The following AGBL4 variants were observed in gnomAD, a reference collection of about 807,000 sequenced individuals.
AGBL4 encodes AGBL carboxypeptidase 4.
A neutral mutation model predicts 66.4 loss-of-function variants in AGBL4; 58 were observed. The ratio of observed to expected loss-of-function variants is 0.87; its 90% CI spans 0.71 to 1.09. AGBL4 has a LOEUF of 1.09. AGBL4 is among the 50% of genes least tolerant of loss of function. AGBL4 has a pLI of 0.00. For missense variants in AGBL4, 579 were observed against 631.0 expected, an observed-to-expected ratio of 0.92 and a Z score of 0.88; for synonymous variants, 234 against 222.9, an observed-to-expected ratio of 1.05 and a Z score of -0.44.
chr1:49,061,144 C>G (rs1413264143), intron 4 of AGBL4, among the ~76,000 whole-genome samples: 4 of 152,104 alleles, frequency 2.6e-5, no homozygotes, highest in African/African-American at 7.2e-5. Flanking sequence ...GGCGAAAGTA[C>G]AATCACAGTC....
chr1:49,942,724 A>G (rs1157256271), intron 1 of AGBL4, among the ~76,000 whole-genome samples: 1 of 152,198 alleles, frequency 6.6e-6, no homozygotes, highest in Non-Finnish European at 1.5e-5. Context: ...TGAAACTGTA[A>G]AACAATAAAA....
chr1:49,627,510 G>A (rs1472126481), intron 3 of AGBL4, among the ~76,000 whole-genome samples: 1 of 151,976 alleles, frequency 6.6e-6, no homozygotes, highest in Non-Finnish European at 1.5e-5. Flanking sequence ...AATTGTCCTG[G>A]CCATTGGTCA....
At chr1:49,720,868 T>C (rs1648549185) in intron 2 of AGBL4, among the ~76,000 whole-genome samples, 1 of 152,032 alleles carries the variant, frequency 6.6e-6, no homozygotes, top group African/African-American at 2.4e-5. Flanking sequence ...TTAACAGAAG[T>C]GACAAGTTAC....
intron 5 of AGBL4, among the ~76,000 whole-genome samples, chr1:48,976,506 T>C (rs1032487333): frequency 4.6e-5 from 7 of 152,166 alleles, no homozygotes; most frequent in Non-Finnish European, 8.8e-5. Flanking sequence ...AATCTGCTTT[T>C]TCTATACTAA....
At chr1:49,310,670 A>C (rs970854017) in intron 3 of AGBL4, among the ~76,000 whole-genome samples, 3 of 152,020 alleles carry the variant, frequency 2.0e-5, no homozygotes, top group Non-Finnish European at 4.4e-5. Flanking sequence ...CCTTTAAGGC[A>C]CTAGGGTGAT....
chr1:49,865,944 T>A, intron 1 of AGBL4: 1 of 403,874 alleles, frequency 2.5e-6, no homozygotes. Context: ...AAACACAACA[T>A]GAGAATATAA....
intron 3 of AGBL4, among the ~76,000 whole-genome samples, chr1:49,471,616 T>C (rs887371736): frequency 6.6e-6 from 1 of 151,790 alleles, no homozygotes; most frequent in African/African-American, 2.4e-5. Context: ...GAATGGGTAC[T>C]ACAGAAGCCA....
intron 2 of AGBL4, among the ~76,000 whole-genome samples, chr1:49,717,683 A>C (rs1571396516): frequency 6.6e-6 from 1 of 152,036 alleles, no homozygotes; most frequent in Non-Finnish European, 1.5e-5. Flanking sequence ...CTCTAGTAAG[A>C]ATGTACGTTC....
At chr1:48,707,222 A>T (rs1052209173) in intron 6 of AGBL4, among the ~76,000 whole-genome samples, 4 of 152,280 alleles carry the variant, frequency 2.6e-5, no homozygotes, top group South Asian at 4.2e-4. Flanking sequence ...TGAGCCCAGG[A>T]GGCGGAGGTT....
intron 3 of AGBL4, among the ~76,000 whole-genome samples, chr1:49,561,857 GT>G (rs1644055463): frequency 6.6e-6 from 1 of 151,996 alleles, no homozygotes; most frequent in South Asian, 2.1e-4. Context: ...GGTATTTCTA[GT>G]TCTAGATCCC....
At chr1:49,540,888 C>A (rs558523429) in intron 3 of AGBL4, among the ~76,000 whole-genome samples, 4 of 152,212 alleles carry the variant, frequency 2.6e-5, no homozygotes, top group Non-Finnish European at 4.4e-5. Flanking sequence ...CTTCATTTTT[C>A]TTATTAGAGT....
intron 5 of AGBL4, among the ~76,000 whole-genome samples, chr1:48,954,729 T>G (rs895566563): frequency 7.2e-5 from 11 of 152,180 alleles, no homozygotes; most frequent in Non-Finnish European, 4.4e-5. Context: ...ATCCCACAGC[T>G]TTGTTTCTAT....
At chr1:49,166,556 G>A (rs1646638969) in intron 4 of AGBL4, among the ~76,000 whole-genome samples, 1 of 152,170 alleles carries the variant, frequency 6.6e-6, no homozygotes, top group East Asian at 1.9e-4. Context: ...ACTTTGCATG[G>A]TGTAGATTAT....
At chr1:49,095,916 G>T (rs1205058382) in intron 4 of AGBL4, among the ~76,000 whole-genome samples, 1 of 151,772 alleles carries the variant, frequency 6.6e-6, no homozygotes, top group African/African-American at 2.4e-5. Flanking sequence ...TACAAAATGG[G>T]AGAAAATTTT....
intron 3 of AGBL4, among the ~76,000 whole-genome samples, chr1:49,576,083 G>C (rs957787817): frequency 1.3e-5 from 2 of 152,150 alleles, no homozygotes; most frequent in African/African-American, 4.8e-5. Context: ...ACAGTAGTCT[G>C]GGGACTGTTG....
intron 3 of AGBL4, among the ~76,000 whole-genome samples, chr1:49,662,551 T>C (rs1646290340): frequency 6.6e-6 from 1 of 152,152 alleles, no homozygotes; most frequent in Admixed American, 6.6e-5. Context: ...CTGTGCCACC[T>C]GAAATAGCAC....
chr1:49,587,494 G>A (rs1644673446), intron 3 of AGBL4, among the ~76,000 whole-genome samples: 2 of 151,942 alleles, frequency 1.3e-5, no homozygotes, highest in Non-Finnish European at 2.9e-5. Flanking sequence ...TATGCCTAAC[G>A]CAATGTCATT....
At chr1:48,829,930 A>G (rs541633267) in intron 6 of AGBL4, among the ~76,000 whole-genome samples, 1 of 152,242 alleles carries the variant, frequency 6.6e-6, no homozygotes, top group Non-Finnish European at 1.5e-5. Context: ...GGGGGCTGTC[A>G]GCATAGTGCA....
intron 6 of AGBL4, among the ~76,000 whole-genome samples, chr1:48,674,205 G>A (rs1282457751): frequency 6.6e-6 from 1 of 152,210 alleles, no homozygotes; most frequent in East Asian, 1.9e-4. Context: ...CCATGGCAAA[G>A]GGAACTTTGT....
Sources: allele counts gnomAD v4.1 joint callset (sites outside exome capture counted in the v4.1 genomes callset), GRCh38; gene constraint gnomAD v4.1.1; transcripts MANE v1.5; gene names NCBI Gene and HGNC (gene_info 2026-07-23, HGNC 2026-07-21).